ZPBP: variants seen among roughly 807,000 people sequenced by gnomAD.
ZPBP encodes zona pellucida binding protein.
ZPBP carries 26 observed loss-of-function variants against 44.8 expected under a neutral mutation model. The observed-to-expected ratio is 0.58, with a 90% CI of 0.43 to 0.81. The LOEUF is 0.81. ZPBP is among the 30% of genes least tolerant of loss of function. The pLI is 0.00. For synonymous variants in ZPBP, 174 were observed against 153.2 expected, an observed-to-expected ratio of 1.14 and a Z score of -1.00; for missense variants, 409 against 434.0, an observed-to-expected ratio of 0.94 and a Z score of 0.51.
chr7:50,028,653 C>T (rs1799446714), intron 5 of ZPBP, among the ~76,000 whole-genome samples: 1 of 149,840 alleles, frequency 6.7e-6, no homozygotes, highest in Non-Finnish European at 1.5e-5. Context: ...GTGCACAATC[C>T]ATTTTAAAAA....
chr7:49,864,361 G>C (rs182154735), intron 2 of ZPBP, among the ~76,000 whole-genome samples: 1 of 152,280 alleles, frequency 6.6e-6, no homozygotes, highest in African/African-American at 2.4e-5. Context: ...TTTCCCAGGA[G>C]CCTCAGAATC....
intron 7 of ZPBP, chr7:49,940,813 G>T: frequency 2.0e-6 from 2 of 985,240 alleles, no homozygotes; most frequent in Non-Finnish European, 2.4e-6. Flanking sequence ...TGACCTGTAT[G>T]AGAGTCCCAT....
chr7:49,865,297 T>C (rs1790832243), intron 2 of ZPBP, among the ~76,000 whole-genome samples: 1 of 152,196 alleles, frequency 6.6e-6, no homozygotes, highest in Non-Finnish European at 1.5e-5. Context: ...TTGGATCAAG[T>C]AATAGATTCT....
At chr7:49,881,380 A>G (rs568266610) in intron 2 of ZPBP, among the ~76,000 whole-genome samples, 1 of 152,304 alleles carries the variant, frequency 6.6e-6, no homozygotes, top group South Asian at 2.1e-4. Context: ...CTGAAATTAT[A>G]TTTGTGGTCA....
intron 6 of ZPBP, among the ~76,000 whole-genome samples, chr7:49,987,182 T>G (rs1190690522): frequency 1.3e-5 from 2 of 152,158 alleles, no homozygotes; most frequent in Non-Finnish European, 2.9e-5. Flanking sequence ...CTACAAATAT[T>G]GGTTGTTTGG....
intron 1 of ZPBP, among the ~76,000 whole-genome samples, chr7:49,925,066 G>A (rs778631371): frequency 1.3e-5 from 2 of 152,198 alleles, no homozygotes; most frequent in African/African-American, 2.4e-5. Context: ...CCACTCTCCA[G>A]GCATGAAAGC....
At chr7:50,030,599 A>C (rs3800587) in intron 5 of ZPBP, among the ~76,000 whole-genome samples, 37,959 of 152,008 alleles carry the variant, frequency 0.25, 5,872 homozygotes, top group Non-Finnish European at 0.36. Context: ...CCCCTTAAAA[A>C]CACATGCGTG....
At position 49,884,940 on chromosome 7, in the gene ZPBP, T is replaced by TA. The variant is rs1476599984; in HGVS notation, n.509+16177dup. The stretch of plus-strand genomic sequence containing the variant: ...ACTAATTCCTTGACCAATGAAATAA[T>TA]AGTTTCTAACAAGTCAAATAAAAAG... On this transcript the variant is annotated intron_variant and non_coding_transcript_variant, in intron 2 of 2. Coordinates refer to the ZPBP transcript ENST00000465922. 1.1e-4 allele frequency among the ~76,000 whole-genome samples: 17 copies of TA among 152,252 alleles called. No individual in the cohort carries two copies. The East Asian group carries it at 2.1e-3, about 19-fold the overall frequency.
At chr7:49,948,026 G>A (rs1300751624) in intron 7 of ZPBP, among the ~76,000 whole-genome samples, 1 of 152,170 alleles carries the variant, frequency 6.6e-6, no homozygotes, top group African/African-American at 2.4e-5. Context: ...ATGTTCACTC[G>A]AGGCCCAAAG....
chr7:49,994,369 G>A (rs1015339341), intron 6 of ZPBP, among the ~76,000 whole-genome samples: 3 of 152,204 alleles, frequency 2.0e-5, no homozygotes, highest in Admixed American at 6.5e-5. Flanking sequence ...GCCTGGGAGA[G>A]AGAAGCAGTG....
intron 3 of ZPBP, among the ~76,000 whole-genome samples, chr7:50,067,001 G>A (rs1801539296): frequency 6.6e-6 from 1 of 152,214 alleles, no homozygotes; most frequent in South Asian, 2.1e-4. Context: ...AGCAGTGGGA[G>A]TAGACATGAT....
chr7:50,006,273 A>T (rs866482133), intron 6 of ZPBP, among the ~76,000 whole-genome samples: 52 of 152,132 alleles, frequency 3.4e-4, no homozygotes, highest in South Asian at 4.1e-4. Context: ...GATCAACAGG[A>T]CCTAAAAGAT....
intron 6 of ZPBP, among the ~76,000 whole-genome samples, chr7:50,010,528 A>T (rs192416137): frequency 8.5e-5 from 13 of 152,304 alleles, no homozygotes; most frequent in African/African-American, 3.1e-4. Context: ...TCCAATGTAC[A>T]CAAATCAGTT....
chr7:49,949,433 T>C (rs1262140556), intron 7 of ZPBP, among the ~76,000 whole-genome samples: 4 of 152,156 alleles, frequency 2.6e-5, no homozygotes, highest in East Asian at 1.9e-4. Context: ...ATAGGTACAA[T>C]AGAATGTTAT....
chr7:49,883,748 T>C (rs933801398), intron 2 of ZPBP, among the ~76,000 whole-genome samples: 1 of 152,212 alleles, frequency 6.6e-6, no homozygotes, highest in Non-Finnish European at 1.5e-5. Flanking sequence ...AAATTTTGGC[T>C]TTAAAGTTTC....
intron 3 of ZPBP, among the ~76,000 whole-genome samples, chr7:50,058,406 T>C (rs1245985533): frequency 6.6e-6 from 1 of 152,154 alleles, no homozygotes; most frequent in Non-Finnish European, 1.5e-5. Flanking sequence ...CAGAATATGC[T>C]CCTAATCTGC....
chr7:49,845,340 C>T, the ZPBP span, among the ~76,000 whole-genome samples: 1 of 152,256 alleles, frequency 6.6e-6, no homozygotes, highest in East Asian at 1.9e-4. Flanking sequence ...CTCTAGGACT[C>T]TATCCATCTG....
At chr7:50,081,730 T>G in intron 3 of ZPBP, 44 bp downstream of exon 3, 1 of 1,602,442 alleles carries the variant, frequency 6.2e-7, no homozygotes, top group South Asian at 1.1e-5. Context: ...TGCACACAAT[T>G]CAGATACATT....
At chr7:50,005,351 A>G (rs1798260459) in intron 6 of ZPBP, among the ~76,000 whole-genome samples, 1 of 152,024 alleles carries the variant, frequency 6.6e-6, no homozygotes, top group African/African-American at 2.4e-5. Context: ...ATATATAGAA[A>G]AATATAAAAC....
Sources: allele counts gnomAD v4.1 joint callset (sites outside exome capture counted in the v4.1 genomes callset), GRCh38; gene constraint gnomAD v4.1.1; transcripts MANE v1.5; gene names NCBI Gene and HGNC (gene_info 2026-07-23, HGNC 2026-07-21).